The following SYT7 variants were observed in gnomAD, a reference collection of about 807,000 sequenced individuals.
SYT7 encodes synaptotagmin-7.
A neutral mutation model predicts 75.1 loss-of-function variants in SYT7; 29 were observed. The ratio of observed to expected loss-of-function variants is 0.39; its 90% CI spans 0.29 to 0.53. SYT7 has a LOEUF of 0.53. Ranked by LOEUF, SYT7 falls within the 20% of genes least tolerant of loss-of-function variation. The pLI, the probability that SYT7 is intolerant of heterozygous loss-of-function variation, is 0.77. For missense variants in SYT7, 693 were observed against 953.2 expected (o/e 0.73, Z 3.59); for synonymous variants, 376 against 401.7 (o/e 0.94, Z 0.76).
intron 8 of SYT7, among the ~76,000 whole-genome samples, chr11:61,530,047 G>T (rs1260154047): frequency 6.6e-6 from 1 of 152,210 alleles, no homozygotes; most frequent in African/African-American, 2.4e-5. Context: ...AATGAGGCAA[G>T]CACTCCCGCT....
the SYT7 span, among the ~76,000 whole-genome samples, chr11:61,587,050 A>C: frequency 6.6e-6 from 1 of 151,488 alleles, no homozygotes; most frequent in Non-Finnish European, 1.5e-5. Context: ...CCCTCCCCCC[A>C]CATGATTAGT....
chr11:61,536,344 C>T (rs1436074917), intron 7 of SYT7, among the ~76,000 whole-genome samples: 1 of 152,200 alleles, frequency 6.6e-6, no homozygotes, highest in Admixed American at 6.5e-5. Context: ...TTCATTAACA[C>T]ATGGGTGATG....
At chr11:61,582,985 T>TG (rs965375788), upstream of SYT7, among the ~76,000 whole-genome samples, 2 of 151,980 alleles carry the variant, frequency 1.3e-5, no homozygotes, top group African/African-American at 2.4e-5. Context: ...CCCAGCACTT[T>TG]GGGATGACGG....
intron 1 of SYT7, among the ~76,000 whole-genome samples, chr11:61,562,684 G>A (rs1185322341): frequency 6.6e-6 from 1 of 152,132 alleles, no homozygotes; most frequent in African/African-American, 2.4e-5. Flanking sequence ...GACCTGCAGG[G>A]CTTGACCAAA....
At chr11:61,562,527 C>T (rs1311202208) in intron 1 of SYT7, among the ~76,000 whole-genome samples, 1 of 152,186 alleles carries the variant, frequency 6.6e-6, no homozygotes, top group Non-Finnish European at 1.5e-5. Context: ...ACATCGTGCC[C>T]TGGATTAGTG....
intron 7 of SYT7, among the ~76,000 whole-genome samples, chr11:61,537,656 G>C (rs1312717389): frequency 6.6e-6 from 1 of 152,146 alleles, no homozygotes; most frequent in Non-Finnish European, 1.5e-5. Context: ...CCCACCATGG[G>C]CTCCTCTTCC....
At chr11:61,547,400 C>G (rs1335450897) in intron 3 of SYT7, 92 bp from the exon 4 acceptor site, 4 of 1,435,022 alleles carry the variant, frequency 2.8e-6, no homozygotes, top group Non-Finnish European at 3.7e-6. Flanking sequence ...ACCAGGACCC[C>G]GGGGCCGGGC....
At chr11:61,545,917 G>T in intron 5 of SYT7, 114 bp downstream of exon 5, 1 of 923,614 alleles carries the variant, frequency 1.1e-6, no homozygotes, top group Non-Finnish European at 1.6e-6. Flanking sequence ...TGAGCCAGGG[G>T]CCGAGGACGG....
At chr11:61,549,749 G>A (rs2063293397) in intron 3 of SYT7, among the ~76,000 whole-genome samples, 1 of 152,338 alleles carries the variant, frequency 6.6e-6, no homozygotes, top group East Asian at 1.9e-4. Context: ...GGGGGCTGCA[G>A]GACCACACAG....
chr11:61,565,217 A>G (rs2063737301), intron 1 of SYT7, among the ~76,000 whole-genome samples: 1 of 152,144 alleles, frequency 6.6e-6, no homozygotes, highest in Non-Finnish European at 1.5e-5. Context: ...AGGTTTCCAT[A>G]GGAAGCACCC....
Position 61,546,895 on chromosome 11 carries a change from G to A in SYT7, c.347+282C>T, listed in dbSNP as rs972511804. Among the ~76,000 whole-genome samples the A allele has an allele frequency of 2.6e-5, 4 of 152,072 alleles. No individual in the cohort carries two copies. The highest frequency in any genetic ancestry group is 4.4e-5 in the Non-Finnish European group (3 of 68,006). ...CTGCACAGAAGGTGGGGTGGGCCCC[G>A]GGACCAGCTGGGGGGGCCAGGTATG... On this transcript the variant is annotated intron_variant, in intron 4 of 12. Transcript: ENST00000539008. This position sits in a 1 kb window ranked among gnomAD's most constrained non-coding sequence, Gnocchi z 7.6.
chr11:61,532,734 T>G (rs930419800), intron 8 of SYT7, among the ~76,000 whole-genome samples: 2 of 152,138 alleles, frequency 1.3e-5, no homozygotes. Flanking sequence ...TTATTTTCAC[T>G]TGTCAAAGGA....
rs1590874950 is a variant in SYT7, at chr11:61,540,717, T to G, written c.941+1494A>C. ...ATGGCTGCTGGAACAGGAAGTAGGG[T>G]GACAGCTGTGATAAGACAGTCTGAG... On this transcript the variant is annotated intron_variant, in intron 6 of 12. Coordinates refer to ENST00000539008, the MANE Select transcript of SYT7 (RefSeq NM_001365809.2). 4 of 985,194 alleles carry G rather than the reference T, an allele frequency of 4.1e-6. No individual in the cohort carries two copies. The African/African-American group carries it at 5.2e-5, about 13-fold the overall frequency. The allele number at this position is 985,194 out of a possible 1,614,324, so 61.0% of individuals were successfully genotyped here.
intron 1 of SYT7, among the ~76,000 whole-genome samples, chr11:61,579,852 G>A (rs2064196482): frequency 1.3e-5 from 2 of 152,222 alleles, no homozygotes; most frequent in Admixed American, 1.3e-4. Flanking sequence ...CTGGCAGACT[G>A]GGGGTGCTGG....
chr11:61,515,445 A>G lies in SYT7; in HGVS notation c.*3182T>C, dbSNP rs1428570386. ...GGTATGTGTGGTGGAAAAATTTTGT[A>G]TGGTTCTTTTTTTCCTGTTTTTTTT... On this transcript the variant is annotated 3_prime_UTR_variant, in exon 13 of 13. Transcript: ENST00000539008. 3.3e-5 allele frequency: 5 copies of G among 149,712 alleles called. No homozygotes were observed. The South Asian group carries it at 6.3e-4, about 19-fold the overall frequency. 9.3% of individuals were successfully genotyped at this position (149,712 alleles called of 1,614,324 possible).
rs536029271 is a variant in SYT7 at position 61,516,646 on chromosome 11, C to G, written c.*1981G>C. On this transcript the variant is annotated 3_prime_UTR_variant, in exon 13 of 13. Coordinates refer to ENST00000539008, the MANE Select transcript of SYT7 (RefSeq NM_001365809.2). The surrounding 1 kb of genome is among the most constrained non-coding windows in gnomAD (Gnocchi z 4.6). ...CGAGGCCTCGGGGTCGCTGCCCTCC[C>G]GTCCCGGCTGGGGGCCGCTCCCCAG... The G allele has an allele frequency of 6.6e-6, 1 of 152,176 alleles. No homozygotes were observed. The highest frequency in any genetic ancestry group is 1.5e-5 in the Non-Finnish European group (1 of 68,022). 9.4% of individuals were successfully genotyped at this position (152,176 alleles called of 1,614,324 possible). A position where few individuals can be genotyped will look rare whatever the true frequency, so the allele number is the denominator to read the frequency against.
At chr11:61,530,583 T>C (rs1187757656) in intron 8 of SYT7, among the ~76,000 whole-genome samples, 2 of 152,098 alleles carry the variant, frequency 1.3e-5, no homozygotes, top group Admixed American at 1.3e-4. Context: ...ACCTGGGGCA[T>C]AGCATGGGTA....
intron 1 of SYT7, among the ~76,000 whole-genome samples, chr11:61,567,494 T>C (rs1361214381): frequency 1.3e-5 from 2 of 152,196 alleles, no homozygotes; most frequent in East Asian, 3.9e-4. Context: ...AGACTGTGCA[T>C]AGTGATTCCG....
At chr11:61,575,333 T>C (rs1237734812) in intron 1 of SYT7, among the ~76,000 whole-genome samples, 1 of 152,208 alleles carries the variant, frequency 6.6e-6, no homozygotes, top group Non-Finnish European at 1.5e-5. Context: ...TTTGTCACTA[T>C]TAGGGTTTGT....
Sources: gnomAD v4.1 joint callset for allele counts (sites outside exome capture counted in the v4.1 genomes callset) on GRCh38, gnomAD v4.1.1 for gene constraint, Gnocchi (gnomAD v3.1) non-coding constraint, MANE v1.5 for transcripts, NCBI Gene and HGNC (gene_info 2026-07-23, HGNC 2026-07-21) for gene names.